The following SLC14A2 variants were observed in gnomAD, a reference collection of about 807,000 sequenced individuals.
The protein encoded by SLC14A2 is solute carrier family 14 member 2, also known as urea transporter 2.
SLC14A2 carries 91 observed loss-of-function variants against 104.6 expected under a neutral mutation model. That is an observed-to-expected ratio of 0.87 (90% confidence interval 0.73 to 1.04). The LOEUF is 1.04. Among genes scored for constraint, SLC14A2 ranks in the 50% least tolerant of loss-of-function variants. The pLI is 0.00. For synonymous variants in SLC14A2, 476 were observed against 466.4 expected, an observed-to-expected ratio of 1.02 and a Z score of -0.27; for missense variants, 1,189 against 1,156.0, an observed-to-expected ratio of 1.03 and a Z score of -0.41.
chr18:45,393,330 C>T (rs1418814606), intron 1 of SLC14A2, among the ~76,000 whole-genome samples: 5 of 152,148 alleles, frequency 3.3e-5, no homozygotes, highest in African/African-American at 1.2e-4. Flanking sequence ...ACGCCTCATC[C>T]CCCTCTGTCA....
intron 2 of SLC14A2, among the ~76,000 whole-genome samples, chr18:45,486,541 G>A (rs1446378101): frequency 6.6e-6 from 1 of 152,134 alleles, no homozygotes; most frequent in Non-Finnish European, 1.5e-5. Context: ...CTAGCAAAAA[G>A]CAAAATGACA....
intron 1 of SLC14A2, among the ~76,000 whole-genome samples, chr18:45,255,769 A>AAT (rs962765845): frequency 2.6e-4 from 39 of 152,040 alleles, no homozygotes; most frequent in African/African-American, 6.8e-4. Flanking sequence ...GCAGGGGGAA[A>AAT]ATATATATAT....
At chr18:45,423,676 T>C (rs921276559) in intron 1 of SLC14A2, 1 of 152,168 alleles carries the variant, frequency 6.6e-6, no homozygotes, top group Non-Finnish European at 1.5e-5. Context: ...AAAAAATCTT[T>C]TTAAAAAAAT....
intron 1 of SLC14A2, among the ~76,000 whole-genome samples, chr18:45,249,418 GTTTTT>G (rs548752666): frequency 1.4e-5 from 2 of 146,426 alleles, no homozygotes; most frequent in Non-Finnish European, 3.0e-5. Context: ...TCTAAGCATT[GTTTTT>G]TTTTTAATAT....
chr18:45,310,937 T>G (rs1260998048), intron 1 of SLC14A2, among the ~76,000 whole-genome samples: 1 of 152,206 alleles, frequency 6.6e-6, no homozygotes, highest in Non-Finnish European at 1.5e-5. Flanking sequence ...GCACTCTTTG[T>G]TGGCCTAGAG....
intron 9 of SLC14A2, among the ~76,000 whole-genome samples, chr18:45,643,467 A>G (rs1023919131): frequency 6.6e-6 from 1 of 152,196 alleles, no homozygotes; most frequent in African/African-American, 2.4e-5. Flanking sequence ...ACATGGGGGA[A>G]CATCCTCAGG....
chr18:45,381,313 ATTAAAACAT>A lies in SLC14A2; in HGVS notation c.-124-101919_-124-101911del, dbSNP rs1436644589. Among the ~76,000 whole-genome samples the A allele has an allele frequency of 2.6e-5, 4 of 152,242 alleles. No individual in the cohort carries two copies. The South Asian group carries it at 8.3e-4, about 32-fold the overall frequency. ...GTTAATAAATAATTACAGACTCTGA[ATTAAAACAT>A]CATGGGATATTAGATTTGGAAAACA... On this transcript the variant is annotated intron_variant, in intron 1 of 20. Coordinates refer to the SLC14A2 transcript ENST00000586448.
intron 1 of SLC14A2, among the ~76,000 whole-genome samples, chr18:45,223,381 A>ATG (rs2099125040): frequency 1.3e-5 from 2 of 152,176 alleles, no homozygotes; most frequent in African/African-American, 2.4e-5. Context: ...ATAGATGCAT[A>ATG]TGTGTGTGTG....
intron 1 of SLC14A2, 86 bp downstream of exon 1, chr18:45,615,668 A>G (rs2045053268): frequency 6.6e-6 from 1 of 150,974 alleles, no homozygotes; most frequent in Non-Finnish European, 1.5e-5. Flanking sequence ...AGAATGGACT[A>G]TTGCAGTGGG....
chr18:45,486,360 G>C (rs995529675), intron 2 of SLC14A2, among the ~76,000 whole-genome samples: 1 of 150,150 alleles, frequency 6.7e-6, no homozygotes, highest in Non-Finnish European at 1.5e-5. Flanking sequence ...TCAGGCTAGG[G>C]ACTTTTTTTT....
Position 45,669,285 on chromosome 18 carries a change from C to T in SLC14A2, c.2037-21C>T, listed in dbSNP as rs1415485790. On this transcript the variant is annotated intron_variant, in intron 15 of 19. Transcript: ENST00000255226. ...GACCAGGCGGCTTCCTGACCAGCAT[C>T]TCTCATGCTTCTGCCATCAGCCCCA... The T allele has an allele frequency of 2.5e-6, 4 of 1,599,612 alleles. No individual in the cohort carries two copies. The Admixed American group carries it at 5.1e-5, about 20-fold the overall frequency.
chr18:45,629,048 C>T (rs1279518998), intron 4 of SLC14A2, among the ~76,000 whole-genome samples: 2 of 152,308 alleles, frequency 1.3e-5, no homozygotes, highest in East Asian at 3.9e-4. Flanking sequence ...GGAGGCATGA[C>T]CTGCATCTTA....
At chr18:45,362,803 T>C (rs1047622632) in intron 1 of SLC14A2, among the ~76,000 whole-genome samples, 5 of 152,220 alleles carry the variant, frequency 3.3e-5, no homozygotes, top group Admixed American at 1.3e-4. Flanking sequence ...GATAAACATT[T>C]GATAGTTTCA....
intron 3 of SLC14A2, among the ~76,000 whole-genome samples, chr18:45,626,603 C>A (rs182978529): frequency 6.6e-6 from 1 of 152,074 alleles, no homozygotes; most frequent in Non-Finnish European, 1.5e-5. Flanking sequence ...CCCCCACCCC[C>A]CCACCTTCCC....
chr18:45,399,337 G>A (rs983047503), intron 1 of SLC14A2, among the ~76,000 whole-genome samples: 5 of 152,194 alleles, frequency 3.3e-5, no homozygotes, highest in Admixed American at 2.0e-4. Context: ...AGGCAAGCTT[G>A]CAGTGCTGAG....
At chr18:45,530,248 A>G (rs1427357615) in intron 2 of SLC14A2, among the ~76,000 whole-genome samples, 1 of 152,206 alleles carries the variant, frequency 6.6e-6, no homozygotes, top group African/African-American at 2.4e-5. Context: ...ATTAACAATA[A>G]CCTTTTTAAA....
intron 1 of SLC14A2, among the ~76,000 whole-genome samples, chr18:45,450,085 C>A (rs979857874): frequency 2.0e-5 from 3 of 152,202 alleles, no homozygotes; most frequent in African/African-American, 7.2e-5. Context: ...ATTTCCCCAG[C>A]CTTTTTTAAA....
At chr18:45,477,576 C>T (rs1302080167) in intron 1 of SLC14A2, among the ~76,000 whole-genome samples, 1 of 152,168 alleles carries the variant, frequency 6.6e-6, no homozygotes, top group Non-Finnish European at 1.5e-5. Flanking sequence ...ACTGAAGCTG[C>T]ACCCACAGCC....
At chr18:45,496,941 G>A (rs2043108807) in intron 2 of SLC14A2, among the ~76,000 whole-genome samples, 1 of 152,184 alleles carries the variant, frequency 6.6e-6, no homozygotes, top group Non-Finnish European at 1.5e-5. Flanking sequence ...GCTTGCCAGA[G>A]GCTCTCAGGC....
Sources: allele counts gnomAD v4.1 joint callset (sites outside exome capture counted in the v4.1 genomes callset), GRCh38; gene constraint gnomAD v4.1.1; transcripts MANE v1.5; gene names NCBI Gene and HGNC (gene_info 2026-07-23, HGNC 2026-07-21).